BACH2: variants seen among roughly 807,000 people sequenced by gnomAD.
BACH2 encodes the protein BACH transcriptional regulator 2, also known as transcription regulator protein BACH2.
BACH2 carries 5 observed loss-of-function variants against 61.8 expected under a neutral mutation model. That is an observed-to-expected ratio of 0.08 (90% CI 0.04 to 0.17). The LOEUF (loss-of-function observed/expected upper bound fraction) is 0.17, where lower values mean the gene tolerates loss of function less well. Ranked by LOEUF, BACH2 falls within the 10% of genes least tolerant of loss-of-function variation. The pLI is 1.00. For missense variants in BACH2, 824 were observed against 1,091.1 expected, an observed-to-expected ratio of 0.76 and a Z score of 3.45; for synonymous variants, 446 against 440.1, an observed-to-expected ratio of 1.01 and a Z score of -0.17.
At chr6:90,153,381 C>T (rs1326731614) in intron 4 of BACH2, among the ~76,000 whole-genome samples, 1 of 152,078 alleles carries the variant, frequency 6.6e-6, no homozygotes, top group African/African-American at 2.4e-5. Context: ...AATACTACTC[C>T]TCAAAATAAA....
At chr6:90,191,015 G>A (rs956083845) in intron 4 of BACH2, among the ~76,000 whole-genome samples, 1 of 152,208 alleles carries the variant, frequency 6.6e-6, no homozygotes, top group Non-Finnish European at 1.5e-5. Context: ...AGGAGAAAAG[G>A]TGAAGTGTTT....
rs1475287939 is a variant in BACH2 at position 89,930,567 on chromosome 6, A to G, written c.*1841T>C. ...GGGCTGCTCAGTGAGACCCGGACCC[A>G]AGGCCACTGGAGCGAGGGAGCTGAT... On this transcript the variant is annotated 3_prime_UTR_variant, in exon 9 of 9. Coordinates refer to ENST00000257749, the MANE Select transcript of BACH2 (RefSeq NM_021813.4). The G allele has an allele frequency of 6.5e-6, 1 of 152,806 alleles. No homozygotes were observed. Among genetic ancestry groups the G allele is most frequent in the African/African-American group, 2.4e-5 (1 of 41,444 alleles). 9.5% of individuals were successfully genotyped at this position (152,806 alleles called of 1,614,324 possible).
chr6:90,130,958 T>A (rs1784057197), intron 4 of BACH2, among the ~76,000 whole-genome samples: 1 of 152,226 alleles, frequency 6.6e-6, no homozygotes, highest in African/African-American at 2.4e-5. Flanking sequence ...GTAATACACA[T>A]GCAAAATGTT....
intron 1 of BACH2, among the ~76,000 whole-genome samples, chr6:90,281,301 A>T (rs748071699): frequency 6.6e-6 from 1 of 152,226 alleles, no homozygotes; most frequent in Non-Finnish European, 1.5e-5. Context: ...ATTTACAGTT[A>T]TTTCTATTTA....
At position 89,938,226 on chromosome 6, in the gene BACH2, C is replaced by T; in HGVS notation, c.1961G>A (p.Ser654Asn). ...LEFIHDVRRR[S>N]KNRIAAQRCR... ...GCGCTGGGCCGCGATGCGGTTCTTG[C>T]TGCGCCGTCGGACATCATGAATAAA... Residue 654 changes from serine (S) to asparagine (N), a missense_variant, in exon 8 of 9, where the codon AGC becomes AAC. Coordinates refer to ENST00000257749, the MANE Select transcript of BACH2 (RefSeq NM_021813.4). 6.2e-7 allele frequency: 1 copy of T among 1,614,234 alleles called. No homozygotes were observed.
At chr6:90,128,098 C>CT (rs769297419) in intron 4 of BACH2, among the ~76,000 whole-genome samples, 3 of 152,176 alleles carry the variant, frequency 2.0e-5, no homozygotes, top group Non-Finnish European at 4.4e-5. Flanking sequence ...GGCTTTGCCC[C>CT]TTACCCCATC....
At chr6:89,937,488 G>A (rs1035562943) in intron 8 of BACH2, among the ~76,000 whole-genome samples, 5 of 152,164 alleles carry the variant, frequency 3.3e-5, no homozygotes, top group Non-Finnish European at 5.9e-5. Context: ...AAACAGTTTA[G>A]AAGAATACCT....
chr6:90,251,356 TG>T (rs1770802154), intron 3 of BACH2, among the ~76,000 whole-genome samples: 1 of 152,178 alleles, frequency 6.6e-6, no homozygotes, highest in Non-Finnish European at 1.5e-5. Context: ...TTCAGGGTGG[TG>T]TGGCCATAGA....
chr6:90,183,186 T>C (rs1271203488), intron 4 of BACH2, among the ~76,000 whole-genome samples: 4 of 152,244 alleles, frequency 2.6e-5, no homozygotes, highest in Admixed American at 1.3e-4. Flanking sequence ...GATTATCTAC[T>C]GAAATAATAA....
At chr6:89,940,030 A>G (rs1331268986) in intron 7 of BACH2, among the ~76,000 whole-genome samples, 26 of 150,576 alleles carry the variant, frequency 1.7e-4, no homozygotes, top group Admixed American at 1.7e-3. Flanking sequence ...TTTTCTTTTG[A>G]GATGGAGTCT....
chr6:90,244,750 C>T (rs1414048767), intron 3 of BACH2, among the ~76,000 whole-genome samples: 2 of 152,222 alleles, frequency 1.3e-5, no homozygotes, highest in East Asian at 3.9e-4. Context: ...CTGCACTTGA[C>T]TCCTCCCTAA....
intron 3 of BACH2, among the ~76,000 whole-genome samples, chr6:90,241,652 CAG>C (rs1398731494): frequency 7.2e-5 from 11 of 152,174 alleles, no homozygotes; most frequent in African/African-American, 2.4e-4. Context: ...AAAAGAGGGA[CAG>C]GGTGTGGCTA....
chr6:90,050,935 C>A (rs1484029746), intron 5 of BACH2, among the ~76,000 whole-genome samples: 1 of 151,952 alleles, frequency 6.6e-6, no homozygotes, highest in African/African-American at 2.4e-5. Context: ...CCATGCCCAG[C>A]TAATTTTTGT....
rs548892141 is a variant in BACH2 at position 90,013,754 on chromosome 6, C to T, written c.-12-4898G>A. ...TGATCTCCTGACTTTGTGATCCCCC[C>T]GCCTTGGCCTCTGAAAGTGCTGGGA... is the stretch of plus-strand genomic sequence containing the variant. On this transcript the variant is annotated intron_variant, in intron 5 of 8. Coordinates refer to ENST00000257749, the MANE Select transcript of BACH2 (RefSeq NM_021813.4). Among the ~76,000 whole-genome samples, 19 of 152,100 alleles carry T rather than the reference C, an allele frequency of 1.2e-4. 1 individual carries two copies. The highest frequency in any genetic ancestry group is 2.6e-4 in the Admixed American group (4 of 15,276).
chr6:89,990,254 G>C (rs980924508), intron 6 of BACH2, among the ~76,000 whole-genome samples: 2 of 152,204 alleles, frequency 1.3e-5, no homozygotes, highest in Non-Finnish European at 2.9e-5. Context: ...TTTCATTGGA[G>C]CTGATTGAGC....
chr6:90,246,403 C>T (rs1294785208), intron 3 of BACH2, among the ~76,000 whole-genome samples: 3 of 152,252 alleles, frequency 2.0e-5, no homozygotes, highest in Non-Finnish European at 2.9e-5. Context: ...AATCAGAAAA[C>T]CTCAGGCTCA....
At chr6:90,177,599 C>T (rs1023232417) in intron 4 of BACH2, among the ~76,000 whole-genome samples, 46 of 152,142 alleles carry the variant, frequency 3.0e-4, no homozygotes, top group Admixed American at 2.5e-3. Flanking sequence ...ACGTAATGCA[C>T]GAAATGTGGA....
intron 5 of BACH2, among the ~76,000 whole-genome samples, chr6:90,062,615 A>G (rs1026957766): frequency 6.6e-6 from 1 of 152,146 alleles, no homozygotes; most frequent in African/African-American, 2.4e-5. Context: ...AATTTTCTTC[A>G]CCCAAAGACC....
At chr6:89,974,437 A>G (rs1239713089) in intron 6 of BACH2, among the ~76,000 whole-genome samples, 1 of 152,252 alleles carries the variant, frequency 6.6e-6, no homozygotes, top group Non-Finnish European at 1.5e-5. Flanking sequence ...CACAAGGGAT[A>G]TGCAAAAGAT....
Sources: allele counts gnomAD v4.1 joint callset (sites outside exome capture counted in the v4.1 genomes callset), GRCh38; gene constraint gnomAD v4.1.1; transcripts MANE v1.5; gene names NCBI Gene and HGNC (gene_info 2026-07-23, HGNC 2026-07-21).